Variants in GPATCH2 observed in about 807,000 individuals in gnomAD.
GPATCH2 encodes the protein G-patch domain containing 2, also known as G patch domain-containing protein 2.
In GPATCH2, 51 loss-of-function variants were observed where a neutral mutation model predicts 58.0. The ratio of observed to expected loss-of-function variants is 0.88; its 90% CI spans 0.70 to 1.11. GPATCH2 has a LOEUF of 1.11. Ranked by LOEUF, GPATCH2 falls within the 50% of genes most tolerant of loss-of-function variation. The pLI is 0.00. For missense variants in GPATCH2, 625 were observed against 652.2 expected (o/e 0.96, Z 0.45); for synonymous variants, 222 against 218.5 (o/e 1.02, Z -0.14).
At chr1:217,557,809 G>A (rs1022209164) in intron 5 of GPATCH2, among the ~76,000 whole-genome samples, 1 of 152,006 alleles carries the variant, frequency 6.6e-6, no homozygotes, top group Admixed American at 6.6e-5. Context: ...ATACTATACT[G>A]CCCATTAATG....
intron 8 of GPATCH2, among the ~76,000 whole-genome samples, chr1:217,460,577 G>A (rs1187577294): frequency 5.3e-5 from 8 of 152,218 alleles, no homozygotes; most frequent in Admixed American, 2.6e-4. Flanking sequence ...TGCACGTGAC[G>A]TGCCATAGCT....
At chr1:217,518,063 G>A (rs1023312576) in intron 5 of GPATCH2, among the ~76,000 whole-genome samples, 3 of 151,962 alleles carry the variant, frequency 2.0e-5, no homozygotes, top group African/African-American at 4.8e-5. Flanking sequence ...TATAAATAAC[G>A]ACTACAATCT....
chr1:217,570,710 G>C (rs1666495016), intron 5 of GPATCH2, among the ~76,000 whole-genome samples: 1 of 152,154 alleles, frequency 6.6e-6, no homozygotes, highest in Non-Finnish European at 1.5e-5. Context: ...AGTTTATGAA[G>C]ACCTAGGAAC....
intron 8 of GPATCH2, 42 bp downstream of exon 8, chr1:217,491,638 A>G (rs774294078): frequency 3.2e-6 from 3 of 950,502 alleles, no homozygotes; most frequent in South Asian, 2.8e-5. Context: ...GGCATAGAAA[A>G]AAAGAAAATG....
chr1:217,578,950 G>C (rs974165442), intron 5 of GPATCH2, among the ~76,000 whole-genome samples: 4 of 152,142 alleles, frequency 2.6e-5, no homozygotes, highest in Non-Finnish European at 2.9e-5. Context: ...CTGATATTTT[G>C]AGTTAGTGAA....
chr1:217,572,767 G>A (rs1308584365), intron 5 of GPATCH2, among the ~76,000 whole-genome samples: 2 of 152,184 alleles, frequency 1.3e-5, no homozygotes, highest in African/African-American at 4.8e-5. Context: ...ATTGATCTAA[G>A]ATGAGGCCAG....
chr1:217,466,758 A>G (rs1406934845), intron 8 of GPATCH2, among the ~76,000 whole-genome samples: 2 of 152,154 alleles, frequency 1.3e-5, no homozygotes, highest in East Asian at 1.9e-4. Context: ...TCAAAGTCCA[A>G]TGGTATACCA....
At chr1:217,491,883 T>G (rs2102533798) in intron 7 of GPATCH2, 133 bp from the exon 8 acceptor site, 1 of 422,882 alleles carries the variant, frequency 2.4e-6, no homozygotes, top group African/African-American at 2.1e-5. Flanking sequence ...TTTTTTTAAC[T>G]GGTTTCTCTT....
At chr1:217,435,387 G>GATGAAAATCTTGT (rs1658775981) in intron 9 of GPATCH2, among the ~76,000 whole-genome samples, 1 of 152,186 alleles carries the variant, frequency 6.6e-6, no homozygotes, top group Non-Finnish European at 1.5e-5. Flanking sequence ...TGGCTCAAGA[G>GATGAAAATCTTGT]ATGAAAATCT....
intron 5 of GPATCH2, among the ~76,000 whole-genome samples, chr1:217,531,044 AAC>A (rs56751109): frequency 0.036 from 5,294 of 148,004 alleles, 157 homozygotes; most frequent in East Asian, 0.08. Flanking sequence ...CAGTTACACA[AAC>A]ACACACACAC....
At chr1:217,478,266 C>G (rs1016226260) in intron 8 of GPATCH2, among the ~76,000 whole-genome samples, 4 of 152,088 alleles carry the variant, frequency 2.6e-5, no homozygotes, top group African/African-American at 4.8e-5. Context: ...TTACAAGTAT[C>G]AAGACCATCC....
At chr1:217,442,836 C>T (rs530452372) in intron 9 of GPATCH2, among the ~76,000 whole-genome samples, 1 of 152,226 alleles carries the variant, frequency 6.6e-6, no homozygotes, top group South Asian at 2.1e-4. Flanking sequence ...TTACATTTAT[C>T]ATGATTACTA....
intron 8 of GPATCH2, among the ~76,000 whole-genome samples, chr1:217,479,760 A>C (rs1661133933): frequency 6.6e-6 from 1 of 152,142 alleles, no homozygotes; most frequent in Admixed American, 6.5e-5. Context: ...TCTGTTGCCT[A>C]CAAGAAATAC....
At position 217,476,235 on chromosome 1, in the gene GPATCH2, A is replaced by AGTGTGTGTGTGTGTGTGT. The variant is rs60995546; in HGVS notation, c.1277+15427_1277+15444dup. ...AAAGAGGGAAAGAAATCCAGATATG[A>AGTGTGTGTGTGTGTGTGT]GTGTGTGTGTGTGTGTGTGTGTGTG... On this transcript the variant is annotated intron_variant, in intron 8 of 9. Transcript: ENST00000366935. Among the ~76,000 whole-genome samples, 685 of 146,380 alleles carry AGTGTGTGTGTGTGTGTGT rather than the reference A, an allele frequency of 4.7e-3. 2 individuals carry two copies. Among genetic ancestry groups the AGTGTGTGTGTGTGTGTGT allele is most frequent in the Non-Finnish European group, 6.6e-3 (435 of 66,150 alleles).
intron 6 of GPATCH2, among the ~76,000 whole-genome samples, chr1:217,500,761 C>G (rs1184564731): frequency 6.6e-6 from 1 of 151,780 alleles, no homozygotes; most frequent in Non-Finnish European, 1.5e-5. Context: ...TTTTTTTTCT[C>G]TCTCTGGAAT....
At chr1:217,623,772 G>T (rs1035436884) in intron 1 of GPATCH2, among the ~76,000 whole-genome samples, 6 of 151,864 alleles carry the variant, frequency 4.0e-5, no homozygotes, top group Non-Finnish European at 5.9e-5. Flanking sequence ...CGTGCTGGTG[G>T]GTGCCTGTAA....
intron 5 of GPATCH2, among the ~76,000 whole-genome samples, chr1:217,515,523 C>T (rs1663089733): frequency 6.6e-6 from 1 of 152,022 alleles, no homozygotes; most frequent in Admixed American, 6.6e-5. Context: ...GCCTGGACAA[C>T]ACGGTGAAAC....
chr1:217,437,112 C>T (rs1658872344), intron 9 of GPATCH2, among the ~76,000 whole-genome samples: 1 of 152,108 alleles, frequency 6.6e-6, no homozygotes, highest in South Asian at 2.1e-4. Context: ...CGGTGCCTCA[C>T]CCAGGAAGTG....
intron 8 of GPATCH2, among the ~76,000 whole-genome samples, chr1:217,466,466 C>G (rs928696841): frequency 6.6e-6 from 1 of 152,098 alleles, no homozygotes; most frequent in Non-Finnish European, 1.5e-5. Context: ...CTCAAGCTAT[C>G]CCTCTGCCTC....
Sources: gnomAD v4.1 joint callset for allele counts (sites outside exome capture counted in the v4.1 genomes callset) on GRCh38, gnomAD v4.1.1 for gene constraint, MANE v1.5 for transcripts, NCBI Gene and HGNC (gene_info 2026-07-23, HGNC 2026-07-21) for gene names.